Variants in PIP4K2A observed in about 807,000 individuals in gnomAD.
PIP4K2A encodes phosphatidylinositol-5-phosphate 4-kinase type 2 alpha, also known as phosphatidylinositol 5-phosphate 4-kinase type-2 alpha.
PIP4K2A carries 14 observed loss-of-function variants against 42.9 expected under a neutral mutation model. The observed-to-expected ratio is 0.33, with a 90% CI of 0.22 to 0.51. The LOEUF (loss-of-function observed/expected upper bound fraction) is 0.51. Ranked by LOEUF, PIP4K2A falls within the 20% of genes least tolerant of loss-of-function variation. PIP4K2A has a pLI of 0.97. For missense variants in PIP4K2A, 434 were observed against 519.8 expected, an observed-to-expected ratio of 0.83 and a Z score of 1.61; for synonymous variants, 192 against 192.2, an observed-to-expected ratio of 1.00 and a Z score of 0.01.
At chr10:22,588,553 CA>C (rs1837447535) in intron 4 of PIP4K2A, among the ~76,000 whole-genome samples, 2 of 152,030 alleles carry the variant, frequency 1.3e-5, no homozygotes, top group East Asian at 3.8e-4. Flanking sequence ...TTCTTTTTTT[CA>C]TTTATTCTAG....
chr10:22,546,173 T>C (rs1426288956), intron 7 of PIP4K2A, among the ~76,000 whole-genome samples: 2 of 152,152 alleles, frequency 1.3e-5, no homozygotes, highest in Non-Finnish European at 2.9e-5. Context: ...GACTTTAAAA[T>C]TGGACAATGC....
At chr10:22,659,599 T>C (rs1415502109) in intron 1 of PIP4K2A, 1 of 152,204 alleles carries the variant, frequency 6.6e-6, no homozygotes, top group African/African-American at 2.4e-5. Context: ...AGCAGATCGA[T>C]AGGAACTTGC....
chr10:22,638,503 G>A (rs1452496415), intron 1 of PIP4K2A, among the ~76,000 whole-genome samples: 3 of 151,976 alleles, frequency 2.0e-5, no homozygotes, highest in Admixed American at 6.6e-5. Context: ...AACTAAATAC[G>A]TAACCAAAAG....
At chr10:22,640,109 G>A (rs1838749895) in intron 1 of PIP4K2A, among the ~76,000 whole-genome samples, 1 of 144,504 alleles carries the variant, frequency 6.9e-6, no homozygotes, top group African/African-American at 2.6e-5. Flanking sequence ...GATTGGAATT[G>A]AAAGCTATGA....
chr10:22,544,280 G>T (rs904740060), intron 7 of PIP4K2A, among the ~76,000 whole-genome samples: 1 of 150,750 alleles, frequency 6.6e-6, no homozygotes, highest in Non-Finnish European at 1.5e-5. Flanking sequence ...ATACTGCATT[G>T]TAAGTACCCA....
intron 7 of PIP4K2A, among the ~76,000 whole-genome samples, chr10:22,543,320 C>A (rs1487732249): frequency 6.6e-6 from 1 of 152,190 alleles, no homozygotes; most frequent in Non-Finnish European, 1.5e-5. Context: ...CCAGAGCTCC[C>A]ACTTCGCTGC....
At chr10:22,600,041 T>G (rs1474037021) in intron 3 of PIP4K2A, among the ~76,000 whole-genome samples, 5 of 152,166 alleles carry the variant, frequency 3.3e-5, no homozygotes, top group African/African-American at 4.8e-5. Context: ...GAAACATAAA[T>G]GTCAATTTAA....
chr10:22,662,305 C>T (rs1434553905), intron 1 of PIP4K2A, among the ~76,000 whole-genome samples: 1 of 152,234 alleles, frequency 6.6e-6, no homozygotes. Flanking sequence ...AACTCCTCTT[C>T]TTCTCCTTTA....
intron 1 of PIP4K2A, among the ~76,000 whole-genome samples, chr10:22,643,089 G>A (rs1002345982): frequency 6.6e-6 from 1 of 152,074 alleles, no homozygotes; most frequent in Non-Finnish European, 1.5e-5. Context: ...GTGGGTGATG[G>A]ACACCTCATC....
chr10:22,629,720 C>A (rs929537501), intron 1 of PIP4K2A, among the ~76,000 whole-genome samples: 2 of 152,130 alleles, frequency 1.3e-5, no homozygotes, highest in African/African-American at 4.8e-5. Context: ...TTTTCTCTTA[C>A]CCTTTTTAAC....
intron 1 of PIP4K2A, among the ~76,000 whole-genome samples, chr10:22,667,824 G>T (rs1321177133): frequency 1.3e-5 from 2 of 150,506 alleles, no homozygotes; most frequent in Non-Finnish European, 3.0e-5. Flanking sequence ...TGATTGAAAG[G>T]ACTCTTAGCC....
Position 22,536,262 on chromosome 10 carries a change from T to G in PIP4K2A, c.*939A>C, listed in dbSNP as rs932356949. On this transcript the variant is annotated 3_prime_UTR_variant, in exon 10 of 10. Transcript: ENST00000376573. ...GCTGGTTTTCCCACAGTGGGAGATG[T>G]AGATACCATTGCCCCAAACTATGCA... 2.5e-6 allele frequency: 1 copy of G among 396,748 alleles called. No homozygotes were observed. Among genetic ancestry groups the G allele is most frequent in the Non-Finnish European group, 4.4e-6 (1 of 225,368 alleles). 24.6% of individuals were successfully genotyped at this position (396,748 alleles called of 1,614,324 possible). A position where few individuals can be genotyped will look rare whatever the true frequency, so the allele number is the denominator to read the frequency against.
intron 1 of PIP4K2A, among the ~76,000 whole-genome samples, chr10:22,648,056 T>C (rs1030608702): frequency 6.6e-6 from 1 of 152,208 alleles, no homozygotes. Context: ...GTTCAGACTT[T>C]ATTTCCTTCC....
chr10:22,563,432 G>A (rs1564422301), intron 6 of PIP4K2A, among the ~76,000 whole-genome samples: 1 of 152,116 alleles, frequency 6.6e-6, no homozygotes. Flanking sequence ...AATACAAATT[G>A]TTTTGCTAAC....
intron 1 of PIP4K2A, among the ~76,000 whole-genome samples, chr10:22,698,750 T>A (rs74121890): frequency 0.089 from 13,486 of 152,180 alleles, 1,580 homozygotes; most frequent in African/African-American, 0.27. Context: ...GAGATTTTTT[T>A]AAAAAGACAT....
intron 1 of PIP4K2A, among the ~76,000 whole-genome samples, chr10:22,708,825 C>T (rs942112257): frequency 1.3e-5 from 2 of 152,188 alleles, no homozygotes; most frequent in East Asian, 3.8e-4. Context: ...CATCTGTCAC[C>T]CAAGCTACAG....
At chr10:22,573,140 T>C (rs7916957) in intron 5 of PIP4K2A, among the ~76,000 whole-genome samples, 171 bp downstream of exon 5, 125,049 of 152,170 alleles carry the variant, frequency 0.82, 51,701 homozygotes, top group East Asian at 0.91. Context: ...CAGTGTTTTT[T>C]GGTGAGGCCA....
chr10:22,687,913 G>A lies in PIP4K2A; in HGVS notation c.144+26270C>T, dbSNP rs571913185. Among the ~76,000 whole-genome samples, 118 of 152,272 alleles carry A rather than the reference G, an allele frequency of 7.7e-4. 1 individual carries two copies. Among genetic ancestry groups the A allele is most frequent in the African/African-American group, 2.7e-3 (111 of 41,558 alleles). On this transcript the variant is annotated intron_variant, in intron 1 of 9. Transcript: ENST00000376573. The stretch of plus-strand genomic sequence containing the variant: ...CAGATACAAAGGGCCTACTTTGTGC[G>A]AGATCATTGATAGATGAATTTGCTT...
Position 22,704,614 on chromosome 10 carries a change from T to G in PIP4K2A, c.144+9569A>C, listed in dbSNP as rs529305496. Among the ~76,000 whole-genome samples the G allele has an allele frequency of 3.1e-5, 4 of 130,680 alleles. No individual in the cohort carries two copies. The East Asian group carries it at 8.9e-4, about 29-fold the overall frequency. 85.7% of individuals were successfully genotyped at this position (130,680 alleles called of 152,430 possible). A position where few individuals can be genotyped will look rare whatever the true frequency, so the allele number is the denominator to read the frequency against. On this transcript the variant is annotated intron_variant, in intron 1 of 9. Coordinates refer to ENST00000376573, the MANE Select transcript of PIP4K2A (RefSeq NM_005028.5). ...GCAGCAGTGAGCCATGATTGCACCA[T>G]GCACTCCAGCCCAGGCCAAAAAGCA... is the stretch of plus-strand genomic sequence containing the variant.
Sources: allele counts gnomAD v4.1 joint callset (sites outside exome capture counted in the v4.1 genomes callset), GRCh38; gene constraint gnomAD v4.1.1; transcripts MANE v1.5; gene names NCBI Gene and HGNC (gene_info 2026-07-23, HGNC 2026-07-21).